The following ZNF250 variants were observed in gnomAD, a reference collection of about 807,000 sequenced individuals.
The protein encoded by ZNF250 is zinc finger protein 250.
ZNF250 carries 13 observed loss-of-function variants against 37.1 expected under a neutral mutation model. That is an observed-to-expected ratio of 0.35 (90% CI 0.23 to 0.56). The LOEUF is 0.56. Among genes scored for constraint, ZNF250 ranks in the 20% least tolerant of loss-of-function variants. The probability of loss-of-function intolerance (pLI) is 0.87; values close to 1 mark genes in which losing one functional copy is unlikely to be tolerated. For missense variants in ZNF250, 474 were observed against 697.9 expected (o/e 0.68, Z 3.61); for synonymous variants, 251 against 265.6 (o/e 0.94, Z 0.54).
chr8:144,886,095 T>TAAA (rs34422407), intron 5 of ZNF250, among the ~76,000 whole-genome samples: 1 of 116,776 alleles, frequency 8.6e-6, no homozygotes, highest in Non-Finnish European at 1.8e-5. Flanking sequence ...AGAGCCTGTC[T>TAAA]AAAAAAAAAA....
At chr8:144,888,160 A>C (rs781581249) in intron 4 of ZNF250, among the ~76,000 whole-genome samples, 3 of 152,238 alleles carry the variant, frequency 2.0e-5, no homozygotes, top group Non-Finnish European at 2.9e-5. Flanking sequence ...TCTATGCACC[A>C]TCTTTCTTTT....
intron 4 of ZNF250, among the ~76,000 whole-genome samples, chr8:144,887,506 G>A (rs958816781): frequency 2.6e-5 from 4 of 151,982 alleles, no homozygotes; most frequent in African/African-American, 9.7e-5. Context: ...CAGTCCCATC[G>A]TCCTCTGTGG....
At chr8:144,884,473 C>T (rs760940954) in intron 5 of ZNF250, among the ~76,000 whole-genome samples, 54 of 152,046 alleles carry the variant, frequency 3.6e-4, no homozygotes, top group Admixed American at 2.6e-3. Context: ...AGGATGGCCT[C>T]AAACTCCTGA....
chr8:144,900,101 C>G (rs1832999864), intron 1 of ZNF250, among the ~76,000 whole-genome samples: 1 of 152,142 alleles, frequency 6.6e-6, no homozygotes, highest in South Asian at 2.1e-4. Context: ...CAAAGAAATA[C>G]AAATGGCGAA....
At position 144,881,429 on chromosome 8, in the gene ZNF250, G is replaced by T. The variant is rs867082254; in HGVS notation, c.*86C>A. 5 of 1,477,776 alleles carry T rather than the reference G, an allele frequency of 3.4e-6. 1 individual carries two copies. In the Middle Eastern group the frequency reaches 7.4e-4, roughly 218 times the overall value. The allele number at this position is 1,477,776 out of a possible 1,614,324, so 91.5% of individuals were successfully genotyped here. A position where few individuals can be genotyped will look rare whatever the true frequency, so the allele number is the denominator to read the frequency against. On this transcript the variant is annotated 3_prime_UTR_variant, in exon 6 of 6. Coordinates refer to ENST00000417550, the MANE Select transcript of ZNF250 (RefSeq NM_001109689.4). ...TCGCCAAAGAAAAGCTTCCTATAGA[G>T]TTAACAGAGACTTCTCTTGGGCTGA... is the stretch of plus-strand genomic sequence containing the variant.
Position 144,877,127 on chromosome 8 carries a change from GTCTC to G in ZNF250, c.*4384_*4387del, listed in dbSNP as rs1831176805. The G allele has an allele frequency of 6.6e-6, 1 of 152,140 alleles. No individual in the cohort carries two copies. Among genetic ancestry groups the G allele is most frequent in the Admixed American group, 6.5e-5 (1 of 15,272 alleles). The allele number at this position is 152,140 out of a possible 1,614,324, so 9.4% of individuals were successfully genotyped here. A position where few individuals can be genotyped will look rare whatever the true frequency, so the allele number is the denominator to read the frequency against. On this transcript the variant is annotated 3_prime_UTR_variant, in exon 6 of 6. Coordinates refer to ENST00000417550, the MANE Select transcript of ZNF250 (RefSeq NM_001109689.4). ...ATATATACGTATTTTTTGTGACAAG[GTCTC>G]TCTCTGTTGTCCAGGCTAGATAGTA...
intron 1 of ZNF250, among the ~76,000 whole-genome samples, chr8:144,894,574 T>G (rs1185448474): frequency 1.3e-5 from 2 of 149,350 alleles, no homozygotes; most frequent in East Asian, 3.9e-4. Flanking sequence ...CCCAACAGAG[T>G]AATCAGTGGT....
In ZNF250 at chr8:144,880,306, G is replaced by A. The variant is rs1449731155; in HGVS notation, c.*1209C>T. 1.0e-5 allele frequency: 4 copies of A among 383,746 alleles called. No individual in the cohort carries two copies. The highest frequency in any genetic ancestry group is 2.2e-5 in the Non-Finnish European group (4 of 184,186). 23.8% of individuals were successfully genotyped at this position (383,746 alleles called of 1,614,324 possible). On this transcript the variant is annotated 3_prime_UTR_variant, in exon 6 of 6. Coordinates refer to ENST00000417550, the MANE Select transcript of ZNF250 (RefSeq NM_001109689.4). Reference sequence around the variant, plus strand: ...GTATGTTTTAAATATATCTACCAAAGAACAGTATTTTCAGCATTGTTTTGG... The same window carrying A: ...GTATGTTTTAAATATATCTACCAAAAAACAGTATTTTCAGCATTGTTTTGG...
intron 5 of ZNF250, among the ~76,000 whole-genome samples, chr8:144,885,432 A>C (rs1189174414): frequency 6.6e-6 from 1 of 151,856 alleles, no homozygotes; most frequent in Non-Finnish European, 1.5e-5. Context: ...AGTTTAATAC[A>C]ATTTTTAACA....
rs1832174749 is a variant in ZNF250 at position 144,889,706 on chromosome 8, G to A, written c.170-12C>T. On this transcript the variant is annotated splice_polypyrimidine_tract_variant and intron_variant, in intron 3 of 5. Coordinates refer to ENST00000417550, the MANE Select transcript of ZNF250 (RefSeq NM_001109689.4). ...GGATCCTGGAAGTCCTGCTCGTGGG[G>A]AGGGAAGTCTTTGTTTACACAACAT... 6.2e-7 allele frequency: 1 copy of A among 1,611,608 alleles called. No individual in the cohort carries two copies. Among genetic ancestry groups the A allele is most frequent in the Non-Finnish European group, 8.5e-7 (1 of 1,178,590 alleles).
intron 1 of ZNF250, among the ~76,000 whole-genome samples, chr8:144,892,011 CA>C (rs1167085002): frequency 7.3e-5 from 11 of 151,530 alleles, no homozygotes; most frequent in Admixed American, 3.9e-4. Context: ...CAAAACAAAA[CA>C]AAAAAAACAC....
chr8:144,890,488 T>C lies in ZNF250; in HGVS notation c.-54-85A>G. ...GCCCTCAGGGGATCCCTGGGCCTCA[T>C]TCAGAGTCACTGAGGGGCACACTGA... On this transcript the variant is annotated intron_variant, in intron 1 of 5. Coordinates refer to ENST00000417550, the MANE Select transcript of ZNF250 (RefSeq NM_001109689.4). This position sits in a 1 kb window ranked among gnomAD's most constrained non-coding sequence, Gnocchi z 5.1. 1 of 786,254 alleles carries C rather than the reference T, an allele frequency of 1.3e-6. No individual in the cohort carries two copies. The highest frequency in any genetic ancestry group is 2.8e-5 in the East Asian group (1 of 35,684). The allele number at this position is 786,254 out of a possible 1,614,324, so 48.7% of individuals were successfully genotyped here.
At chr8:144,887,990 A>C (rs944955021) in intron 4 of ZNF250, among the ~76,000 whole-genome samples, 2 of 152,220 alleles carry the variant, frequency 1.3e-5, no homozygotes, top group Non-Finnish European at 2.9e-5. Flanking sequence ...GAAGCTGATC[A>C]GCCAATGGAG....
Position 144,882,211 on chromosome 8 carries a change from G to A in ZNF250, c.972C>T (p.His324=), listed in dbSNP as rs1227193736. 3.1e-6 allele frequency: 5 copies of A among 1,614,098 alleles called. No individual in the cohort carries two copies. Among genetic ancestry groups the A allele is most frequent in the Admixed American group, 1.7e-5 (1 of 60,012 alleles). ...AFNHSTVLRS[H]QRVHTGEKPH... is the part of the protein sequence containing the mutation. ...GCTTCTCCCCAGTGTGTACCCTCTG[G>A]TGGCTCCGCAGAACAGTGCTATGGT... The change falls in exon 6 of 6, where the codon CAC becomes CAT. Residue 324 remains histidine, a synonymous_variant. Transcript: ENST00000417550. This position sits in a 1 kb window ranked among gnomAD's most constrained non-coding sequence, Gnocchi z 5.5.
chr8:144,886,827 G>A lies in ZNF250; in HGVS notation c.346+13C>T. The A allele has an allele frequency of 6.2e-7, 1 of 1,610,816 alleles. No homozygotes were observed. Among genetic ancestry groups the A allele is most frequent in the Non-Finnish European group, 8.5e-7 (1 of 1,177,200 alleles). On this transcript the variant is annotated intron_variant, in intron 5 of 5. Transcript: ENST00000417550. Reference sequence around the variant, plus strand: ...AGATTGTACTGAATTAAAAAGATCAGGCATACACTTACCCCATGGACAAGA... The same window carrying A: ...AGATTGTACTGAATTAAAAAGATCAAGCATACACTTACCCCATGGACAAGA...
intron 5 of ZNF250, among the ~76,000 whole-genome samples, chr8:144,884,588 C>T: frequency 6.6e-6 from 1 of 152,206 alleles, no homozygotes; most frequent in Non-Finnish European, 1.5e-5. Context: ...AATCATGAAG[C>T]ATGCTTCTGT....
intron 1 of ZNF250, among the ~76,000 whole-genome samples, chr8:144,898,725 G>A (rs543375877): frequency 2.0e-5 from 3 of 152,080 alleles, no homozygotes; most frequent in Non-Finnish European, 2.9e-5. Flanking sequence ...GCAGAAGGGA[G>A]TCAAACAATT....
In ZNF250 at chr8:144,881,608, T is replaced by C. The variant is rs1411123928; in HGVS notation, c.1575A>G (p.Thr525=). 3 of 1,613,138 alleles carry C rather than the reference T, an allele frequency of 1.9e-6. No individual in the cohort carries two copies. The highest frequency in any genetic ancestry group is 2.7e-5 in the African/African-American group (2 of 74,688). The change falls in exon 6 of 6, where the codon ACA becomes ACG. Residue 525 remains threonine (T), a synonymous_variant. Coordinates refer to ENST00000417550, the MANE Select transcript of ZNF250 (RefSeq NM_001109689.4). ...CCCCGCACTCATAGGGCTTCTCGCC[T>C]GTGTGGATCCGCTGGTGCTGGATGA... ...SVLIQHQRIH[T]GEKPYECGEC...
Position 144,896,608 on chromosome 8 carries a change from A to G in ZNF250, c.-55+4791T>C, listed in dbSNP as rs145562527. ...GCTTTTAACAACACACTCCATCCAC[A>G]CTTCACGGGATTCTGACGTCCAACT... On this transcript the variant is annotated intron_variant, in intron 1 of 5. Transcript: ENST00000417550. 5.4e-3 allele frequency among the ~76,000 whole-genome samples: 823 copies of G among 152,236 alleles called. 3 individuals carry two copies. The highest frequency in any genetic ancestry group is 0.017 in the South Asian group (82 of 4,828).
Sources: gnomAD v4.1 joint callset for allele counts (sites outside exome capture counted in the v4.1 genomes callset) on GRCh38, gnomAD v4.1.1 for gene constraint, Gnocchi (gnomAD v3.1) non-coding constraint, MANE v1.5 for transcripts, NCBI Gene and HGNC (gene_info 2026-07-23, HGNC 2026-07-21) for gene names.